The following SLC39A11 variants were observed in gnomAD, a reference collection of about 807,000 sequenced individuals.
The protein encoded by SLC39A11 is zinc transporter ZIP11.
SLC39A11 carries 33 observed loss-of-function variants against 36.1 expected under a neutral mutation model. That is an observed-to-expected ratio of 0.91 (90% CI 0.69 to 1.22). The LOEUF (loss-of-function observed/expected upper bound fraction) is 1.22. SLC39A11 is among the 50% of genes most tolerant of loss of function. The pLI is 0.00. For synonymous variants in SLC39A11, 166 were observed against 170.3 expected (o/e 0.97, Z 0.20); for missense variants, 432 against 430.3 (o/e 1.00, Z -0.03).
chr17:72,777,300 A>T (rs1192307334), intron 6 of SLC39A11, among the ~76,000 whole-genome samples: 2 of 152,164 alleles, frequency 1.3e-5, no homozygotes, highest in Non-Finnish European at 2.9e-5. Flanking sequence ...ATTTAATAGG[A>T]ACTCTTCTCA....
At chr17:72,919,674 AAAAAAAAAAAAG>A (rs1423838498) in intron 5 of SLC39A11, among the ~76,000 whole-genome samples, 5 of 141,384 alleles carry the variant, frequency 3.5e-5, no homozygotes, top group African/African-American at 1.4e-4. Context: ...TCCGTCAAAA[AAAAAAAAAAAAG>A]AAAAAAAGAA....
intron 5 of SLC39A11, among the ~76,000 whole-genome samples, chr17:72,943,401 C>T (rs2085241144): frequency 6.6e-6 from 1 of 152,216 alleles, no homozygotes; most frequent in South Asian, 2.1e-4. Context: ...AGCTTGGCAT[C>T]AGTTTCATTT....
At chr17:72,686,188 G>T (rs549866492) in intron 7 of SLC39A11, among the ~76,000 whole-genome samples, 1 of 152,142 alleles carries the variant, frequency 6.6e-6, no homozygotes, top group Non-Finnish European at 1.5e-5. Flanking sequence ...GTTCTTTGTT[G>T]TTCTGCAAAC....
intron 7 of SLC39A11, among the ~76,000 whole-genome samples, chr17:72,675,453 C>T (rs9895588): frequency 0.44 from 66,201 of 151,972 alleles, 15,029 homozygotes; most frequent in Admixed American, 0.5. Flanking sequence ...CAGTTTACGG[C>T]ATTTTGTTTT....
At chr17:72,667,247 G>C (rs2070795348) in intron 7 of SLC39A11, among the ~76,000 whole-genome samples, 1 of 152,118 alleles carries the variant, frequency 6.6e-6, no homozygotes, top group Admixed American at 6.6e-5. Context: ...CTCAAACAGC[G>C]GCATCTCCGT....
intron 7 of SLC39A11, among the ~76,000 whole-genome samples, chr17:72,652,342 C>G (rs183449867): frequency 6.6e-6 from 1 of 152,324 alleles, no homozygotes; most frequent in East Asian, 1.9e-4. Flanking sequence ...GAAGTTTGGG[C>G]TTTGCAGTCT....
rs538877679 is a variant in SLC39A11 at position 73,020,747 on chromosome 17, A to G, written c.306+10809T>C. Reference sequence around the variant, plus strand: ...CACCCAGGCTGGAGTCAGTGGTGCAATCTTGGCTTACTGCAACCTCCGCCT... The same window carrying G: ...CACCCAGGCTGGAGTCAGTGGTGCAGTCTTGGCTTACTGCAACCTCCGCCT... On this transcript the variant is annotated intron_variant, in intron 4 of 9. Transcript: ENST00000255559. Among the ~76,000 whole-genome samples, 208 of 127,404 alleles carry G rather than the reference A, an allele frequency of 1.6e-3. 2 individuals carry two copies. Among genetic ancestry groups the G allele is most frequent in the Middle Eastern group, 5.8e-3 (1 of 172 alleles). 83.6% of individuals were successfully genotyped at this position (127,404 alleles called of 152,430 possible).
At chr17:72,706,295 T>C (rs1241459908) in intron 7 of SLC39A11, among the ~76,000 whole-genome samples, 1 of 152,230 alleles carries the variant, frequency 6.6e-6, no homozygotes, top group Non-Finnish European at 1.5e-5. Context: ...GGGAGTTTGC[T>C]TGTCTAAAGC....
chr17:72,974,605 T>C (rs2087712993), intron 4 of SLC39A11, among the ~76,000 whole-genome samples: 1 of 152,184 alleles, frequency 6.6e-6, no homozygotes, highest in African/African-American at 2.4e-5. Context: ...GCTGATAAGG[T>C]AAAAATGTTA....
chr17:72,757,600 T>C (rs1305744483), intron 6 of SLC39A11, among the ~76,000 whole-genome samples: 1 of 151,974 alleles, frequency 6.6e-6, no homozygotes, highest in Non-Finnish European at 1.5e-5. Context: ...ACTCCCACCA[T>C]GGGGCCTTTG....
intron 7 of SLC39A11, among the ~76,000 whole-genome samples, chr17:72,713,324 T>A (rs890845695): frequency 1.3e-5 from 2 of 152,104 alleles, no homozygotes; most frequent in Non-Finnish European, 2.9e-5. Context: ...TGTTTCTCCA[T>A]CCACAAAGGC....
intron 4 of SLC39A11, among the ~76,000 whole-genome samples, chr17:72,992,571 A>G (rs1180403499): frequency 6.6e-6 from 1 of 152,110 alleles, no homozygotes; most frequent in Non-Finnish European, 1.5e-5. Context: ...CCAATATTTC[A>G]TCAGTTGTGT....
chr17:72,934,960 T>C (rs1029508521), intron 5 of SLC39A11, among the ~76,000 whole-genome samples: 2 of 152,216 alleles, frequency 1.3e-5, no homozygotes, highest in African/African-American at 4.8e-5. Flanking sequence ...TTATCCGCTT[T>C]AGAAAACGGT....
intron 5 of SLC39A11, among the ~76,000 whole-genome samples, chr17:72,910,644 A>AAAAG: frequency 6.7e-6 from 1 of 149,036 alleles, no homozygotes; most frequent in Non-Finnish European, 1.5e-5. Context: ...AAAAAAAAAA[A>AAAAG]GGCTGGGCAC....
chr17:72,868,103 C>T (rs1035246768), intron 5 of SLC39A11, among the ~76,000 whole-genome samples: 1 of 152,254 alleles, frequency 6.6e-6, no homozygotes, highest in African/African-American at 2.4e-5. Context: ...TGGTTTAATA[C>T]TGGCCAATTC....
intron 5 of SLC39A11, among the ~76,000 whole-genome samples, chr17:72,926,128 T>C (rs2084035807): frequency 1.3e-5 from 2 of 152,244 alleles, no homozygotes; most frequent in African/African-American, 4.8e-5. Context: ...TGGTTCCATA[T>C]AAATGCTTCT....
At chr17:73,071,523 T>C (rs962114442) in intron 3 of SLC39A11, among the ~76,000 whole-genome samples, 3 of 152,172 alleles carry the variant, frequency 2.0e-5, no homozygotes, top group East Asian at 3.9e-4. Flanking sequence ...AATCAGCCAG[T>C]TGGGAACACT....
rs189799778 is a variant in SLC39A11, at chr17:72,845,034, C to T, written c.601+4600G>A. On this transcript the variant is annotated intron_variant, in intron 6 of 9. Coordinates refer to ENST00000255559, the MANE Select transcript of SLC39A11 (RefSeq NM_139177.4). ...CGGGACCCAGGAAGGGATCCCTTCTCACCACATCCAGCACGACCACCTTGG... is the reference window on the plus strand; with the variant it reads ...CGGGACCCAGGAAGGGATCCCTTCTTACCACATCCAGCACGACCACCTTGG... 1.9e-3 allele frequency among the ~76,000 whole-genome samples: 282 copies of T among 151,694 alleles called. 1 individual carries two copies. Among genetic ancestry groups the T allele is most frequent in the South Asian group, 4.0e-3 (19 of 4,774 alleles).
At chr17:72,964,678 G>A (rs953312571) in intron 4 of SLC39A11, among the ~76,000 whole-genome samples, 6 of 152,152 alleles carry the variant, frequency 3.9e-5, no homozygotes, top group African/African-American at 1.4e-4. Context: ...TTCAACCATT[G>A]TGGAAGACAG....
Sources: allele counts gnomAD v4.1 joint callset (sites outside exome capture counted in the v4.1 genomes callset), GRCh38; gene constraint gnomAD v4.1.1; transcripts MANE v1.5; gene names NCBI Gene and HGNC (gene_info 2026-07-23, HGNC 2026-07-21).